Variants in CELF2 observed in about 807,000 individuals in gnomAD.
CELF2 encodes CUG triplet repeat RNA-binding protein 2.
CELF2 carries 8 observed loss-of-function variants against 62.6 expected under a neutral mutation model. That is an observed-to-expected ratio of 0.13 (90% CI 0.07 to 0.23). The LOEUF (loss-of-function observed/expected upper bound fraction) is 0.23, where lower values mean the gene tolerates loss of function less well. Among genes scored for constraint, CELF2 ranks in the 10% least tolerant of loss-of-function variants. CELF2 has a pLI of 1.00. For missense variants in CELF2, 333 were observed against 671.0 expected (o/e 0.50, Z 5.56); for synonymous variants, 258 against 250.0 (o/e 1.03, Z -0.30).
At chr10:10,786,143 G>A in the CELF2 span, among the ~76,000 whole-genome samples, 60 of 152,262 alleles carry the variant, frequency 3.9e-4, no homozygotes, top group East Asian at 6.0e-3. Context: ...CACTGGCTCC[G>A]GGGTCAGCCA....
chr10:10,727,917 T>C, the CELF2 span, among the ~76,000 whole-genome samples: 1 of 152,160 alleles, frequency 6.6e-6, no homozygotes, highest in Non-Finnish European at 1.5e-5. Flanking sequence ...ACAATAAGCC[T>C]GGCACGGAGC....
Position 11,302,805 on chromosome 10 carries a change from G to A in CELF2, c.977-11334G>A, listed in dbSNP as rs1449980489. Among the ~76,000 whole-genome samples the A allele has an allele frequency of 6.6e-6, 1 of 152,150 alleles. No homozygotes were observed. Among genetic ancestry groups the A allele is most frequent in the African/African-American group, 2.4e-5 (1 of 41,434 alleles). On this transcript the variant is annotated intron_variant, in intron 9 of 12. Transcript: ENST00000633077. This position sits in a 1 kb window ranked among gnomAD's most constrained non-coding sequence, Gnocchi z 5.0. ...TAAATTGACATGAGATTTTCACATTGTTCCGCTGTGCTGCGGACAGTGGAA... is the reference window on the plus strand; with the variant it reads ...TAAATTGACATGAGATTTTCACATTATTCCGCTGTGCTGCGGACAGTGGAA...
At chr10:11,257,950 A>G in intron 5 of CELF2, 78 bp downstream of exon 5, 1 of 1,548,760 alleles carries the variant, frequency 6.5e-7, no homozygotes, top group African/African-American at 1.4e-5. Context: ...AGATGTAGGC[A>G]CCGCACACGG....
rs1272060058 is a variant in CELF2 at position 11,306,382 on chromosome 10, A to G, written c.977-7757A>G. On this transcript the variant is annotated intron_variant, in intron 9 of 12. Coordinates refer to ENST00000633077, the MANE Select transcript of CELF2 (RefSeq NM_001326342.2). The surrounding 1 kb of genome is among the most constrained non-coding windows in gnomAD (Gnocchi z 4.4). ...AAGAATGCAGATGGTTGTCCGAGGCAGCATCTTGCCAGCCTGCCAGCACAG... is the reference window on the plus strand; with the variant it reads ...AAGAATGCAGATGGTTGTCCGAGGCGGCATCTTGCCAGCCTGCCAGCACAG... Among the ~76,000 whole-genome samples, 1 of 152,116 alleles carries G rather than the reference A, an allele frequency of 6.6e-6. No homozygotes were observed.
chr10:11,158,458 C>T (rs1002907047), intron 1 of CELF2, among the ~76,000 whole-genome samples: 6 of 152,202 alleles, frequency 3.9e-5, no homozygotes, highest in Admixed American at 2.6e-4. Flanking sequence ...CCTGTGCAAA[C>T]GCCTCCTGCT....
At chr10:10,669,186 T>G in the CELF2 span, among the ~76,000 whole-genome samples, 24 of 152,352 alleles carry the variant, frequency 1.6e-4, no homozygotes, top group African/African-American at 5.3e-4. Flanking sequence ...CCTAGCTAAT[T>G]GACTGTTCTT....
At chr10:10,855,950 A>C (rs1299039607) in intron 1 of CELF2, among the ~76,000 whole-genome samples, 1 of 152,196 alleles carries the variant, frequency 6.6e-6, no homozygotes, top group Non-Finnish European at 1.5e-5. Context: ...AAAGCAAGAA[A>C]GGCGGCAAAG....
At chr10:10,812,697 G>A (rs762013415) in intron 1 of CELF2, among the ~76,000 whole-genome samples, 4 of 152,282 alleles carry the variant, frequency 2.6e-5, no homozygotes, top group Non-Finnish European at 5.9e-5. Flanking sequence ...TCAGGTGGAA[G>A]TAAGATTTTC....
chr10:10,553,171 T>C, the CELF2 span, among the ~76,000 whole-genome samples: 1 of 152,208 alleles, frequency 6.6e-6, no homozygotes, highest in African/African-American at 2.4e-5. Context: ...ACACCTTATA[T>C]GGTGACAGGC....
Position 11,165,621 on chromosome 10 carries a change from C to T in CELF2, c.210C>T (p.Tyr70=), listed in dbSNP as rs545821886. The change falls in exon 2 of 13, where the codon TAC becomes TAT. Residue 70 remains tyrosine, a synonymous_variant. Coordinates refer to ENST00000633077, the MANE Select transcript of CELF2 (RefSeq NM_001326342.2). The surrounding 1 kb of genome is among the most constrained non-coding windows in gnomAD (Gnocchi z 7.4). The part of the protein sequence containing the change: ...EKELKELFEP[Y]GAVYQINVLR... The stretch of plus-strand genomic sequence containing the variant: ...AGCTGAAAGAACTTTTTGAGCCTTA[C>T]GGAGCCGTCTACCAGATCAACGTCC... 1.3e-4 allele frequency: 216 copies of T among 1,614,194 alleles called. 2 individuals are homozygous for T. In the South Asian group the frequency reaches 2.0e-3, roughly 15 times the overall value.
chr10:10,627,494 C>T, the CELF2 span, among the ~76,000 whole-genome samples: 1 of 152,194 alleles, frequency 6.6e-6, no homozygotes, highest in Admixed American at 6.5e-5. Flanking sequence ...TGACGCAAAG[C>T]CCTAAAAATT....
intron 7 of CELF2, among the ~76,000 whole-genome samples, chr10:11,272,454 G>T (rs767867811): frequency 3.9e-5 from 6 of 152,160 alleles, no homozygotes; most frequent in Non-Finnish European, 8.8e-5. Context: ...TCACCTTCCT[G>T]TACTTTCTAA....
chr10:11,284,389 G>T (rs1411754525), intron 8 of CELF2, among the ~76,000 whole-genome samples: 1 of 150,876 alleles, frequency 6.6e-6, no homozygotes, highest in Non-Finnish European at 1.5e-5. Flanking sequence ...GTGGATGACG[G>T]AGGGGTGGGT....
chr10:11,245,098 C>T (rs1464358540), intron 3 of CELF2, among the ~76,000 whole-genome samples: 1 of 152,194 alleles, frequency 6.6e-6, no homozygotes, highest in African/African-American at 2.4e-5. Context: ...CGTGAATAAA[C>T]GAGCAGTCAT....
Position 11,323,565 on chromosome 10 carries a change from A to G in CELF2, c.1294+2179A>G, listed in dbSNP as rs190679403. The stretch of plus-strand genomic sequence containing the variant: ...AGCCTCTGATGGCCCGCCTCTGTCC[A>G]TTACCTGCAGGAGGCGAGTCCCATG... On this transcript the variant is annotated intron_variant, in intron 11 of 12. Transcript: ENST00000633077. 3.2e-4 allele frequency among the ~76,000 whole-genome samples: 49 copies of G among 152,132 alleles called. No homozygotes were observed. In the East Asian group the frequency reaches 9.5e-3, roughly 29 times the overall value.
At chr10:10,636,629 C>T in the CELF2 span, among the ~76,000 whole-genome samples, 2 of 152,154 alleles carry the variant, frequency 1.3e-5, no homozygotes, top group Non-Finnish European at 2.9e-5. Context: ...GTATCCAAGT[C>T]GACTAGCAAG....
the CELF2 span, among the ~76,000 whole-genome samples, chr10:10,471,170 C>A: frequency 6.6e-6 from 1 of 151,542 alleles, no homozygotes; most frequent in Non-Finnish European, 1.5e-5. Flanking sequence ...TATGGCTTAT[C>A]TTGATGAAAA....
chr10:10,733,149 G>C, the CELF2 span, among the ~76,000 whole-genome samples: 1 of 152,080 alleles, frequency 6.6e-6, no homozygotes, highest in Non-Finnish European at 1.5e-5. Context: ...TGTGCCTGCA[G>C]CTAGCTTCGG....
the CELF2 span, among the ~76,000 whole-genome samples, chr10:10,568,770 T>C: frequency 6.6e-6 from 1 of 151,942 alleles, no homozygotes; most frequent in Admixed American, 6.6e-5. Context: ...TTAGGGAGGG[T>C]TTAAAAAGAG....
Sources: allele counts gnomAD v4.1 joint callset (sites outside exome capture counted in the v4.1 genomes callset), GRCh38; gene constraint gnomAD v4.1.1; non-coding constraint Gnocchi (gnomAD v3.1); transcripts MANE v1.5; gene names NCBI Gene and HGNC (gene_info 2026-07-23, HGNC 2026-07-21).